Variants in THSD7B observed in about 807,000 individuals in gnomAD.
The protein encoded by THSD7B is thrombospondin type-1 domain-containing protein 7B.
A neutral mutation model predicts 213.6 loss-of-function variants in THSD7B; 138 were observed. That is an observed-to-expected ratio of 0.65 (90% CI 0.56 to 0.74). The LOEUF is 0.74. Among genes scored for constraint, THSD7B ranks in the 30% least tolerant of loss-of-function variants. The pLI, the probability that THSD7B is intolerant of heterozygous loss-of-function variation, is 0.00. For missense variants in THSD7B, 1,931 were observed against 1,991.5 expected, an observed-to-expected ratio of 0.97 and a Z score of 0.58; for synonymous variants, 742 against 687.0, an observed-to-expected ratio of 1.08 and a Z score of -1.25.
At chr2:136,811,807 G>A (rs1032309157) in intron 1 of THSD7B, among the ~76,000 whole-genome samples, 31 of 152,136 alleles carry the variant, frequency 2.0e-4, no homozygotes, top group Admixed American at 7.2e-4. Flanking sequence ...CAGCACAGGG[G>A]CCTCTTTTGC....
At chr2:137,372,056 C>T (rs7355522) in intron 12 of THSD7B, among the ~76,000 whole-genome samples, 122,762 of 152,072 alleles carry the variant, frequency 0.81, 54,302 homozygotes, top group Non-Finnish European at 0.98. Flanking sequence ...TCTGCTCATA[C>T]TAGCTTAAGA....
At chr2:137,670,647 T>C (rs1292626652) in intron 27 of THSD7B, among the ~76,000 whole-genome samples, 2 of 152,092 alleles carry the variant, frequency 1.3e-5, no homozygotes, top group Non-Finnish European at 2.9e-5. Flanking sequence ...TTCGGCCAGG[T>C]GCGGTGGCTC....
At chr2:136,948,055 G>T (rs1018094697) in intron 2 of THSD7B, among the ~76,000 whole-genome samples, 1 of 152,052 alleles carries the variant, frequency 6.6e-6, no homozygotes, top group African/African-American at 2.4e-5. Flanking sequence ...CATCTTCCTT[G>T]TAAACTAAGC....
At chr2:137,371,600 C>T (rs1685536293) in intron 12 of THSD7B, among the ~76,000 whole-genome samples, 1 of 151,878 alleles carries the variant, frequency 6.6e-6, no homozygotes, top group Non-Finnish European at 1.5e-5. Context: ...TGATTTCCTC[C>T]CTGGCATATT....
chr2:136,862,391 C>T (rs1683269491), intron 1 of THSD7B, among the ~76,000 whole-genome samples: 1 of 152,192 alleles, frequency 6.6e-6, no homozygotes, highest in African/African-American at 2.4e-5. Context: ...TTCACAAAAT[C>T]TTGCCATTTT....
chr2:137,179,512 A>G (rs1023530730), intron 7 of THSD7B, among the ~76,000 whole-genome samples: 3 of 152,078 alleles, frequency 2.0e-5, no homozygotes, highest in Admixed American at 1.3e-4. Flanking sequence ...GAAAAGGAAA[A>G]GTAATCAGAG....
At chr2:136,847,365 C>T (rs1406090973) in intron 1 of THSD7B, among the ~76,000 whole-genome samples, 1 of 152,162 alleles carries the variant, frequency 6.6e-6, no homozygotes, top group Non-Finnish European at 1.5e-5. Flanking sequence ...GAAAGCAGTT[C>T]TTAGAATCGG....
intron 12 of THSD7B, among the ~76,000 whole-genome samples, chr2:137,377,861 G>A (rs941260382): frequency 4.6e-5 from 7 of 152,036 alleles, no homozygotes; most frequent in South Asian, 4.1e-4. Flanking sequence ...TCCTGACCTC[G>A]TGATCCACCC....
chr2:136,981,921 C>T (rs561757381), intron 2 of THSD7B, among the ~76,000 whole-genome samples: 59 of 152,320 alleles, frequency 3.9e-4, no homozygotes, highest in African/African-American at 1.3e-3. Context: ...CAGTGTCAGT[C>T]GCACTGCTGG....
chr2:137,676,502 A>G (rs942964966), intron 27 of THSD7B, 22 bp from the exon 28 acceptor site: 28 of 1,570,408 alleles, frequency 1.8e-5, no homozygotes, highest in Non-Finnish European at 2.3e-5. Flanking sequence ...ACTTGATCTG[A>G]GGAATTTTTT....
At position 137,637,721 on chromosome 2, in the gene THSD7B, T is replaced by A. The variant is rs577661657; in HGVS notation, c.3800-4767T>A. On this transcript the variant is annotated intron_variant, in intron 20 of 27. Transcript: ENST00000409968. ...CTTTATGTCCAGCAGAACATATCTGTCACCTTAATGGAAATAAATAAAATG... is the reference window on the plus strand; with the variant it reads ...CTTTATGTCCAGCAGAACATATCTGACACCTTAATGGAAATAAATAAAATG... 8.6e-4 allele frequency among the ~76,000 whole-genome samples: 131 copies of A among 152,320 alleles called. 1 individual carries two copies. The South Asian group carries it at 9.1e-3, about 11-fold the overall frequency.
At chr2:136,858,963 C>T (rs1213170109) in intron 1 of THSD7B, among the ~76,000 whole-genome samples, 2 of 152,170 alleles carry the variant, frequency 1.3e-5, no homozygotes, top group Non-Finnish European at 2.9e-5. Context: ...ACAGTTTGAA[C>T]TCTGGGTTCT....
chr2:136,917,320 G>A (rs1684365589), intron 2 of THSD7B, among the ~76,000 whole-genome samples: 1 of 152,166 alleles, frequency 6.6e-6, no homozygotes, highest in Non-Finnish European at 1.5e-5. Context: ...AGCAGTATCT[G>A]TAGATATATT....
intron 2 of THSD7B, among the ~76,000 whole-genome samples, chr2:136,906,011 A>G (rs1684154104): frequency 6.6e-6 from 1 of 152,238 alleles, no homozygotes; most frequent in African/African-American, 2.4e-5. Flanking sequence ...TTTCCCCTCA[A>G]TAGTGAGAAA....
intron 17 of THSD7B, among the ~76,000 whole-genome samples, chr2:137,600,888 G>C (rs1682064450): frequency 6.6e-6 from 1 of 152,138 alleles, no homozygotes; most frequent in Non-Finnish European, 1.5e-5. Context: ...GACAAGACAG[G>C]GAGGTGGAAG....
chr2:137,189,171 C>T (rs1680610175), intron 7 of THSD7B, among the ~76,000 whole-genome samples: 1 of 152,196 alleles, frequency 6.6e-6, no homozygotes, highest in African/African-American at 2.4e-5. Context: ...TCCCTGGCTG[C>T]TGCTTTGTTA....
At chr2:137,321,997 A>G (rs1014998764) in intron 12 of THSD7B, among the ~76,000 whole-genome samples, 4 of 152,212 alleles carry the variant, frequency 2.6e-5, no homozygotes, top group African/African-American at 9.6e-5. Flanking sequence ...TAGGCACTCC[A>G]AGACTCTGCA....
intron 12 of THSD7B, among the ~76,000 whole-genome samples, chr2:137,399,518 C>G (rs1686302016): frequency 6.6e-6 from 1 of 152,070 alleles, no homozygotes; most frequent in African/African-American, 2.4e-5. Flanking sequence ...TAAACACCTT[C>G]CCATTCTCTT....
chr2:137,221,082 C>T (rs1030808485), intron 7 of THSD7B, among the ~76,000 whole-genome samples: 4 of 152,002 alleles, frequency 2.6e-5, no homozygotes, highest in Non-Finnish European at 4.4e-5. Context: ...GGGCGGATCA[C>T]GAGGTCAGGA....
Sources: gnomAD v4.1 joint callset for allele counts (sites outside exome capture counted in the v4.1 genomes callset) on GRCh38, gnomAD v4.1.1 for gene constraint, MANE v1.5 for transcripts, NCBI Gene and HGNC (gene_info 2026-07-23, HGNC 2026-07-21) for gene names.